Variants in ERAP2 observed in about 807,000 individuals in gnomAD.
ERAP2 encodes leukocyte-derived arginine aminopeptidase.
ERAP2 carries 118 observed loss-of-function variants against 111.1 expected under a neutral mutation model. The observed-to-expected ratio is 1.06, with a 90% CI of 0.92 to 1.24. ERAP2 has a LOEUF of 1.24. Ranked by LOEUF, ERAP2 falls within the 50% of genes most tolerant of loss-of-function variation. The probability of loss-of-function intolerance (pLI) is 0.00; values close to 1 mark genes in which losing one functional copy is unlikely to be tolerated. For missense variants in ERAP2, 1,131 were observed against 1,125.8 expected (o/e 1.00, Z -0.07); for synonymous variants, 410 against 401.2 (o/e 1.02, Z -0.26).
intron 9 of ERAP2, among the ~76,000 whole-genome samples, chr5:96,899,659 G>A (rs147012696): frequency 1.3e-3 from 192 of 152,300 alleles, no homozygotes; most frequent in African/African-American, 4.6e-3. Flanking sequence ...GATAGCCACT[G>A]TAGGAATACC....
intron 9 of ERAP2, 83 bp downstream of exon 9, chr5:96,896,946 A>G (rs1490783630): frequency 1.5e-5 from 21 of 1,388,682 alleles, no homozygotes; most frequent in Non-Finnish European, 2.0e-5. Context: ...AAATAGCTAT[A>G]TATTGTCAGT....
At position 96,883,175 on chromosome 5, in the gene ERAP2, G is replaced by A. The variant is rs535335241; in HGVS notation, c.576-617G>A. On this transcript the variant is annotated intron_variant, in intron 2 of 18. Coordinates refer to ENST00000437043, the MANE Select transcript of ERAP2 (RefSeq NM_022350.5). ...TCCTTGCCTCCAGTGGGGGACACGTGAAGGCGTAGTTTGCATCCCAGAGCT... is the reference window on the plus strand; with the variant it reads ...TCCTTGCCTCCAGTGGGGGACACGTAAAGGCGTAGTTTGCATCCCAGAGCT... Among the ~76,000 whole-genome samples, 6 of 152,282 alleles carry A rather than the reference G, an allele frequency of 3.9e-5. No individual in the cohort carries two copies. In the East Asian group the frequency reaches 1.2e-3, roughly 29 times the overall value.
chr5:96,902,354 G>A lies in ERAP2; in HGVS notation c.1828+1G>A, dbSNP rs767274739. 5.6e-6 allele frequency: 9 copies of A among 1,599,520 alleles called. No individual in the cohort carries two copies. The highest frequency in any genetic ancestry group is 5.4e-5 in the African/African-American group (4 of 74,578). On this transcript the variant is annotated splice_donor_variant, in intron 12 of 18. Coordinates refer to ENST00000437043, the MANE Select transcript of ERAP2 (RefSeq NM_022350.5). LOFTEE classifies it high-confidence loss of function. ...AGACACATTCTAAAATCAAAGACAGGTAATGAACTAATTAGCCAAACAGGT... is the reference window on the plus strand; with the variant it reads ...AGACACATTCTAAAATCAAAGACAGATAATGAACTAATTAGCCAAACAGGT...
chr5:96,896,722 T>C lies in ERAP2; in HGVS notation c.1372-10T>C. On this transcript the variant is annotated splice_polypyrimidine_tract_variant and intron_variant, in intron 8 of 18. Transcript: ENST00000437043. ...ATCTCTTTTTTCAACTCTTTTGTTT[T>C]TTTTTAAAGGGAGCTTGTATTTTGA... The C allele has an allele frequency of 6.4e-7, 1 of 1,562,140 alleles. No individual in the cohort carries two copies. Among genetic ancestry groups the C allele is most frequent in the Non-Finnish European group, 8.6e-7 (1 of 1,163,092 alleles).
chr5:96,881,500 G>A (rs1296891245), intron 2 of ERAP2: 4 of 455,926 alleles, frequency 8.8e-6, no homozygotes, highest in Non-Finnish European at 1.8e-5. Context: ...GTCTGGCTCA[G>A]TGCACTCTCA....
At chr5:96,902,140 T>G (rs1386980615) in intron 11 of ERAP2, 134 bp from the exon 12 acceptor site, 2 of 592,698 alleles carry the variant, frequency 3.4e-6, no homozygotes, top group Non-Finnish European at 6.0e-6. Context: ...CCTATAAAAT[T>G]TATAAGACCA....
chr5:96,909,067 T>C lies in ERAP2; in HGVS notation c.2119T>C (p.Tyr707His), dbSNP rs1283151638. The C allele has an allele frequency of 6.2e-7, 1 of 1,614,196 alleles. No individual in the cohort carries two copies. The highest frequency in any genetic ancestry group is 2.2e-5 in the East Asian group (1 of 44,884). The change falls in exon 14 of 19, where the codon TAC becomes CAC. Residue 707 changes from tyrosine (Y) to histidine (H), a missense_variant. Around this residue, in one of 3 missense-constraint regions of ERAP2, gnomAD observed 847 missense variants for 856.5 expected, o/e 0.99. Coordinates refer to ENST00000437043, the MANE Select transcript of ERAP2 (RefSeq NM_022350.5). ...AGGTCTGAGTTACTTGGAATCGTTT[T>C]ACCACATGATGGACAGAAGGAATAT... ...LEGLSYLESF[Y>H]HMMDRRNISD...
chr5:96,919,095 G>A lies in ERAP2; in HGVS notation c.*1490G>A, dbSNP rs1041173079. 2 of 152,314 alleles carry A rather than the reference G, an allele frequency of 1.3e-5. No homozygotes were observed. The highest frequency in any genetic ancestry group is 2.9e-5 in the Non-Finnish European group (2 of 68,028). 9.4% of individuals were successfully genotyped at this position (152,314 alleles called of 1,614,324 possible). ...TCAAAACAATATGTAAATGACTGAT[G>A]TTTGCATTATTAAGGAAGACTTGGG... On this transcript the variant is annotated 3_prime_UTR_variant, in exon 19 of 19. Coordinates refer to ENST00000437043, the MANE Select transcript of ERAP2 (RefSeq NM_022350.5).
intron 12 of ERAP2, 129 bp downstream of exon 12, chr5:96,902,482 T>C: frequency 1.7e-6 from 1 of 600,364 alleles, no homozygotes; most frequent in Non-Finnish European, 2.9e-6. Context: ...TTGTCATTTA[T>C]CCATATGTTA....
intron 13 of ERAP2, among the ~76,000 whole-genome samples, chr5:96,908,188 G>A (rs1786314385): frequency 6.6e-6 from 1 of 152,102 alleles, no homozygotes. Context: ...CACATCACAC[G>A]ATTGTGTTAT....
In ERAP2 at chr5:96,896,848, G is replaced by T; in HGVS notation, c.1488G>T (p.Trp496Cys). ...SYRNAKNDDL[W>C]SSLSNSCLES... The stretch of plus-strand genomic sequence containing the variant: ...GAAATGCTAAGAATGATGACTTGTG[G>T]AGCAGTCTGTCAAATGTAAGTCATA... Residue 496 changes from tryptophan (W) to cysteine (C), a missense_variant, in exon 9 of 19, where the codon TGG becomes TGT. By Grantham distance (215) the Trp-to-Cys change is radical. Around this residue, in one of 3 missense-constraint regions of ERAP2, gnomAD observed 847 missense variants for 856.5 expected, o/e 0.99. Transcript: ENST00000437043. The T allele has an allele frequency of 9.2e-7, 1 of 1,085,176 alleles. No individual in the cohort carries two copies. The highest frequency in any genetic ancestry group is 1.9e-5 in the South Asian group (1 of 52,150). The allele number at this position is 1,085,176 out of a possible 1,614,324, so 67.2% of individuals were successfully genotyped here.
At chr5:96,898,672 G>A (rs775038775) in intron 9 of ERAP2, among the ~76,000 whole-genome samples, 2 of 151,948 alleles carry the variant, frequency 1.3e-5, no homozygotes, top group Admixed American at 6.6e-5. Context: ...TCCAGGAGGC[G>A]GAGTTGCAAT....
intron 4 of ERAP2, among the ~76,000 whole-genome samples, chr5:96,888,364 C>T (rs957882393): frequency 9.9e-5 from 15 of 152,112 alleles, no homozygotes; most frequent in Non-Finnish European, 2.1e-4. Flanking sequence ...TTTGGATTCA[C>T]GTCCCAGCTC....
Position 96,878,569 on chromosome 5 carries a change from G to C in ERAP2, c.-122-995G>C, listed in dbSNP as rs530737372. Among the ~76,000 whole-genome samples the C allele has an allele frequency of 8.5e-5, 13 of 152,228 alleles. No individual in the cohort carries two copies. The South Asian group carries it at 2.7e-3, about 32-fold the overall frequency. ...AGCTAATTGGGAGGCTGAGACATCAGGATTGCTTGACCCCAGGAATTTGAG... is the reference window on the plus strand; with the variant it reads ...AGCTAATTGGGAGGCTGAGACATCACGATTGCTTGACCCCAGGAATTTGAG... On this transcript the variant is annotated intron_variant, in intron 1 of 18. Coordinates refer to ENST00000437043, the MANE Select transcript of ERAP2 (RefSeq NM_022350.5).
At chr5:96,887,791 C>T (rs1465685762) in intron 4 of ERAP2, among the ~76,000 whole-genome samples, 1 of 152,162 alleles carries the variant, frequency 6.6e-6, no homozygotes, top group African/African-American at 2.4e-5. Flanking sequence ...AAATTATAGA[C>T]TTAAAAACAT....
chr5:96,903,306 A>T, intron 12 of ERAP2, 71 bp from the exon 13 acceptor site: 1 of 1,197,214 alleles, frequency 8.4e-7, no homozygotes, highest in Non-Finnish European at 1.2e-6. Flanking sequence ...TTGATTAAAA[A>T]TAACAGTTCT....
chr5:96,896,833 G>T lies in ERAP2; in HGVS notation c.1473G>T (p.Lys491Asn), dbSNP rs773050594. ...YLKKFSYRNAKNDDLWSSLSN... is the reference protein window; with the variant it reads ...YLKKFSYRNANNDDLWSSLSN... Reference sequence around the variant, plus strand: ...AGAAGTTCAGCTATAGAAATGCTAAGAATGATGACTTGTGGAGCAGTCTGT... The same window carrying T: ...AGAAGTTCAGCTATAGAAATGCTAATAATGATGACTTGTGGAGCAGTCTGT... The change falls in exon 9 of 19, where the codon AAG becomes AAT. Residue 491 changes from lysine (K) to asparagine (N), a missense_variant. By Grantham distance (94) the Lys-to-Asn change is moderately conservative. Coordinates refer to ENST00000437043, the MANE Select transcript of ERAP2 (RefSeq NM_022350.5). 95 of 1,206,550 alleles carry T rather than the reference G, an allele frequency of 7.9e-5. 1 individual carries two copies. Among genetic ancestry groups the T allele is most frequent in the Non-Finnish European group, 9.4e-5 (89 of 945,166 alleles). 74.7% of individuals were successfully genotyped at this position (1,206,550 alleles called of 1,614,324 possible). A position where few individuals can be genotyped will look rare whatever the true frequency, so the allele number is the denominator to read the frequency against.
At chr5:96,904,804 T>C (rs1255721104) in intron 13 of ERAP2, among the ~76,000 whole-genome samples, 1 of 152,220 alleles carries the variant, frequency 6.6e-6, no homozygotes, top group Non-Finnish European at 1.5e-5. Context: ...ACTTAGATTG[T>C]CTAAATTTAG....
chr5:96,914,590 A>C (rs962106953), intron 17 of ERAP2, among the ~76,000 whole-genome samples: 1 of 152,258 alleles, frequency 6.6e-6, no homozygotes, highest in Non-Finnish European at 1.5e-5. Context: ...TAAACAGGAA[A>C]TGATGCCCCT....
Sources: allele counts gnomAD v4.1 joint callset (sites outside exome capture counted in the v4.1 genomes callset), GRCh38; gene constraint gnomAD v4.1.1; regional missense constraint gnomAD v4.1.1; transcripts MANE v1.5; gene names NCBI Gene and HGNC (gene_info 2026-07-23, HGNC 2026-07-21).